COL7A1: variants seen among roughly 807,000 people sequenced by gnomAD.
The protein encoded by COL7A1 is collagen type VII alpha 1 chain, also known as collagen alpha-1(VII) chain.
COL7A1 carries 296 observed loss-of-function variants against 456.2 expected under a neutral mutation model. The ratio of observed to expected loss-of-function variants is 0.65; its 90% CI spans 0.59 to 0.71. The LOEUF is 0.71. COL7A1 is among the 30% of genes least tolerant of loss of function. The probability of loss-of-function intolerance (pLI) is 0.00; values close to 1 mark genes in which losing one functional copy is unlikely to be tolerated. For missense variants in COL7A1, 3,441 were observed against 4,017.2 expected, an observed-to-expected ratio of 0.86 and a Z score of 3.88; for synonymous variants, 1,464 against 1,525.9, an observed-to-expected ratio of 0.96 and a Z score of 0.95.
At position 48,573,171 on chromosome 3, in the gene COL7A1, C is replaced by T. The variant is rs1446545673; in HGVS notation, c.6714+3G>A. On this transcript the variant is annotated splice_donor_region_variant and intron_variant, in intron 85 of 118. Coordinates refer to ENST00000681320, the MANE Select transcript of COL7A1 (RefSeq NM_000094.4). This position sits in a 1 kb window ranked among gnomAD's most constrained non-coding sequence, Gnocchi z 5.5. ...CCTACAGGGGCCACAGGGACTCACT[C>T]ACCACAAGGCCTGAAGGGCCGGGGG... is the stretch of plus-strand genomic sequence containing the variant. 1.7e-5 allele frequency: 28 copies of T among 1,613,960 alleles called. No homozygotes were observed. Among genetic ancestry groups the T allele is most frequent in the Middle Eastern group, 1.6e-4 (1 of 6,084 alleles).
chr3:48,590,162 T>G lies in COL7A1; in HGVS notation c.2050+51A>C, dbSNP rs753058265. 6.3e-7 allele frequency: 1 copy of G among 1,595,156 alleles called. No individual in the cohort carries two copies. Among genetic ancestry groups the G allele is most frequent in the South Asian group, 1.1e-5 (1 of 89,496 alleles). On this transcript the variant is annotated intron_variant, in intron 16 of 118. Coordinates refer to ENST00000681320, the MANE Select transcript of COL7A1 (RefSeq NM_000094.4). The surrounding 1 kb of genome is among the most constrained non-coding windows in gnomAD (Gnocchi z 4.6). Reference sequence around the variant, plus strand: ...GGGTCTGCAAGGGAAGGCATGGGGGTCTGAAAGAGCAATGGAGGCAGAGAG... The same window carrying G: ...GGGTCTGCAAGGGAAGGCATGGGGGGCTGAAAGAGCAATGGAGGCAGAGAG...
rs1575418639 is a variant in COL7A1 at position 48,567,512 on chromosome 3, A to C, written c.8046+62T>G. ...CTTGTCCCTACACCCCCATGACCCGACCATGAGCTTCCCTGCCCCATCCTG... is the reference window on the plus strand; with the variant it reads ...CTTGTCCCTACACCCCCATGACCCGCCCATGAGCTTCCCTGCCCCATCCTG... On this transcript the variant is annotated intron_variant, in intron 109 of 118. Coordinates refer to ENST00000681320, the MANE Select transcript of COL7A1 (RefSeq NM_000094.4). This position sits in a 1 kb window ranked among gnomAD's most constrained non-coding sequence, Gnocchi z 4.3. The C allele has an allele frequency of 1.2e-6, 2 of 1,607,956 alleles. No individual in the cohort carries two copies. Among genetic ancestry groups the C allele is most frequent in the East Asian group, 4.5e-5 (2 of 44,820 alleles).
rs767851527 is a variant in COL7A1 at position 48,581,734 on chromosome 3, C to A, written c.4694G>T (p.Arg1565Ile). The A allele has an allele frequency of 6.2e-7, 1 of 1,614,120 alleles. No homozygotes were observed. Among genetic ancestry groups the A allele is most frequent in the Non-Finnish European group, 8.5e-7 (1 of 1,180,028 alleles). ...TTCCCCTTGGACTCCGGTAGCTCCT[C>A]TGGGCCCAGCGGGCCCCACATCTCC... ...EKGDVGPAGP[R>I]GATGVQGERG... Residue 1565 changes from arginine to isoleucine, a missense_variant, in exon 49 of 119, where the codon AGA becomes ATA. Arg to Ile is a moderately conservative substitution (Grantham distance 97, BLOSUM62 -3). Coordinates refer to ENST00000681320, the MANE Select transcript of COL7A1 (RefSeq NM_000094.4). This position sits in a 1 kb window ranked among gnomAD's most constrained non-coding sequence, Gnocchi z 5.8.
At position 48,581,273 on chromosome 3, in the gene COL7A1, G is replaced by A. The variant is rs1365063607; in HGVS notation, c.4886C>T (p.Pro1629Leu). 1.9e-6 allele frequency: 3 copies of A among 1,613,460 alleles called. No individual in the cohort carries two copies. Among genetic ancestry groups the A allele is most frequent in the Non-Finnish European group, 2.5e-6 (3 of 1,179,834 alleles). ...GRPGPPGPVG[P>L]RGRDGEVGEK... ...CCAGCCTCTTACATCTCGTCCTCGG[G>A]GGCCAACAGGTCCTGGGGGGCCAGG... The change falls in exon 52 of 119, where the codon CCC (proline) becomes CTC (leucine). Residue 1629 changes from proline to leucine, a missense_variant. By Grantham distance (98) the Pro-to-Leu change is moderately conservative. Transcript: ENST00000681320. The surrounding 1 kb of genome is among the most constrained non-coding windows in gnomAD (Gnocchi z 5.8).
At chr3:48,576,847 T>G (rs373589717) in intron 67 of COL7A1, 37 bp downstream of exon 67, 172 of 1,613,914 alleles carry the variant, frequency 1.1e-4, no homozygotes, top group Middle Eastern at 9.9e-4. Context: ...AGGGTCAGGG[T>G]CAGGGGTCAG....
rs1319107811 is a variant in COL7A1, at chr3:48,565,463, C to G, written c.8474G>C (p.Gly2825Ala). 1 of 1,613,242 alleles carries G rather than the reference C, an allele frequency of 6.2e-7. No individual in the cohort carries two copies. Residue 2825 changes from glycine to alanine, a missense_variant, in exon 116 of 119, where the codon GGC becomes GCC. This residue lies in a region of COL7A1 where 2,084 missense variants were observed against 2,501.3 expected (regional missense o/e 0.83). Transcript: ENST00000681320. The surrounding 1 kb of genome is among the most constrained non-coding windows in gnomAD (Gnocchi z 4.5). ...PLPSYAADTA[G>A]SQLHAVPVLR... ...CACAGGCACAGCATGGAGCTGGGAG[C>G]CGGCAGTGTCTGCAGCATAACTAGG...
chr3:48,584,105 C>T, intron 37 of COL7A1, 44 bp from the exon 38 acceptor site: 1 of 1,614,166 alleles, frequency 6.2e-7, no homozygotes, highest in Non-Finnish European at 8.5e-7. Flanking sequence ...CCACACCTCA[C>T]TCCCAAAGAT....
Position 48,574,013 on chromosome 3 carries a change from C to T in COL7A1, c.6502-123G>A. ...TCACCCTTTCCAGTCACAGATAATA[C>T]CTACCCATGGACTGCCTCTCATAGA... On this transcript the variant is annotated intron_variant, in intron 80 of 118. Coordinates refer to ENST00000681320, the MANE Select transcript of COL7A1 (RefSeq NM_000094.4). This position sits in a 1 kb window ranked among gnomAD's most constrained non-coding sequence, Gnocchi z 5.0. 1 of 1,306,124 alleles carries T rather than the reference C, an allele frequency of 7.7e-7. No individual in the cohort carries two copies. 80.9% of individuals were successfully genotyped at this position (1,306,124 alleles called of 1,614,324 possible).
Position 48,592,619 on chromosome 3 carries a change from G to A in COL7A1, c.927C>T (p.Ala309=), listed in dbSNP as rs753252649. The A allele has an allele frequency of 8.7e-6, 14 of 1,613,994 alleles. No homozygotes were observed. The South Asian group carries it at 1.3e-4, about 15-fold the overall frequency. Residue 309 remains alanine, a synonymous_variant, in exon 8 of 119, where the codon GCC becomes GCT. Coordinates refer to ENST00000681320, the MANE Select transcript of COL7A1 (RefSeq NM_000094.4). The surrounding 1 kb of genome is among the most constrained non-coding windows in gnomAD (Gnocchi z 7.6). ...PLTEYQVTVI[A]LYANSIGEAV... The stretch of plus-strand genomic sequence containing the variant: ...CCTCCCCGATGCTGTTGGCGTAGAG[G>A]GCAATCACAGTCACTTGGTACTCGG...
rs781105495 is a variant in COL7A1, at chr3:48,587,471, T to C, written c.2941A>G (p.Arg981Gly). ...CAGGATAGGATGTAGCTGGATGCCCTGGACACTGGAGTCCAGGCCAAAGTC... is the reference window on the plus strand; with the variant it reads ...CAGGATAGGATGTAGCTGGATGCCCCGGACACTGGAGTCCAGGCCAAAGTC... The part of the protein sequence containing the change: ...SVTLAWTPVS[R>G]ASSYILSWRP... The change falls in exon 23 of 119, where the codon AGG becomes GGG. Residue 981 changes from arginine to glycine, a missense_variant. Physicochemically the swap from Arg to Gly is moderately radical, Grantham distance 125. Around this residue, in one of 3 missense-constraint regions of COL7A1, gnomAD observed 444 missense variants for 427.6 expected, o/e 1.04. Transcript: ENST00000681320. This position sits in a 1 kb window ranked among gnomAD's most constrained non-coding sequence, Gnocchi z 6.1. The C allele has an allele frequency of 3.7e-6, 6 of 1,613,260 alleles. No individual in the cohort carries two copies. Among genetic ancestry groups the C allele is most frequent in the Admixed American group, 3.3e-5 (2 of 60,018 alleles).
At position 48,594,529 on chromosome 3, in the gene COL7A1, G is replaced by A. The variant is rs751325519; in HGVS notation, c.105C>T (p.Tyr35=). 2 of 1,605,040 alleles carry A rather than the reference G, an allele frequency of 1.2e-6. No homozygotes were observed. Among genetic ancestry groups the A allele is most frequent in the South Asian group, 2.2e-5 (2 of 90,226 alleles). The change falls in exon 3 of 119, where the codon TAC becomes TAT. Residue 35 remains tyrosine (Y), a synonymous_variant. Coordinates refer to ENST00000681320, the MANE Select transcript of COL7A1 (RefSeq NM_000094.4). The surrounding 1 kb of genome is among the most constrained non-coding windows in gnomAD (Gnocchi z 5.5). ...HRERVTCTRL[Y]AADIVFLLDG... ...CCAGTAAGAACACAATGTCAGCGGC[G>A]TAAAGGCGCGTGCAGGTCACTGGGG...
chr3:48,574,525 C>T lies in COL7A1; in HGVS notation c.6419G>A (p.Arg2140Gln), dbSNP rs758217227. 9 of 1,614,060 alleles carry T rather than the reference C, an allele frequency of 5.6e-6. No homozygotes were observed. The highest frequency in any genetic ancestry group is 3.3e-5 in the South Asian group (3 of 91,084). Residue 2140 changes from arginine to glutamine, a missense_variant, in exon 79 of 119, where the codon CGG becomes CAG. By Grantham distance (43) the Arg-to-Gln change is conservative. Transcript: ENST00000681320. The surrounding 1 kb of genome is among the most constrained non-coding windows in gnomAD (Gnocchi z 5.0). ...DRGVPGIKGD[R>Q]GEPGPRGQDG... ...CTGACCCCTCGGTCCAGGCTCTCCC[C>T]GGTCTCCTTTGATGCCTGGCACACC...
chr3:48,564,753 A>G lies in COL7A1; in HGVS notation c.8818+30T>C. On this transcript the variant is annotated intron_variant, in intron 118 of 118. Coordinates refer to ENST00000681320, the MANE Select transcript of COL7A1 (RefSeq NM_000094.4). The surrounding 1 kb of genome is among the most constrained non-coding windows in gnomAD (Gnocchi z 6.0). ...CCCGATCCAGGCAGGCTCAGTGCCC[A>G]GTTCCCCACGGTGGGGGCTCAGCCC... 6.2e-7 allele frequency: 1 copy of G among 1,606,940 alleles called. No individual in the cohort carries two copies. Among genetic ancestry groups the G allele is most frequent in the Non-Finnish European group, 8.5e-7 (1 of 1,175,872 alleles).
In COL7A1 at chr3:48,574,244, G is replaced by T; in HGVS notation, c.6501+18C>A. The T allele has an allele frequency of 6.2e-7, 1 of 1,613,836 alleles. No homozygotes were observed. Among genetic ancestry groups the T allele is most frequent in the Non-Finnish European group, 8.5e-7 (1 of 1,179,970 alleles). On this transcript the variant is annotated intron_variant, in intron 80 of 118. Transcript: ENST00000681320. This position sits in a 1 kb window ranked among gnomAD's most constrained non-coding sequence, Gnocchi z 5.0. ...GAGGGTCCGGAGCCTGGGGCCAGGTGCTTCAGCCACCACTCACCGGCTTCC... is the reference window on the plus strand; with the variant it reads ...GAGGGTCCGGAGCCTGGGGCCAGGTTCTTCAGCCACCACTCACCGGCTTCC...
In COL7A1 at chr3:48,593,690, C is replaced by T; in HGVS notation, c.273G>A (p.Glu91=). The part of the protein sequence containing the change: ...TVQYSDDPRT[E]FGLDALGSGG... ...CAGAGCCAAGTGCATCCAGGCCGAACTCTGTCCTGTTGGAGGGTAGGGGTG... is the reference window on the plus strand; with the variant it reads ...CAGAGCCAAGTGCATCCAGGCCGAATTCTGTCCTGTTGGAGGGTAGGGGTG... The change falls in exon 4 of 119, where the codon GAG becomes GAA. Residue 91 remains glutamate, a synonymous_variant. Transcript: ENST00000681320. This position sits in a 1 kb window ranked among gnomAD's most constrained non-coding sequence, Gnocchi z 4.4. The T allele has an allele frequency of 6.2e-7, 1 of 1,614,228 alleles. No homozygotes were observed. Among genetic ancestry groups the T allele is most frequent in the Non-Finnish European group, 8.5e-7 (1 of 1,180,030 alleles).
chr3:48,565,569 G>A lies in COL7A1; in HGVS notation c.8440+67C>T, dbSNP rs1331202523. 54 of 1,613,806 alleles carry A rather than the reference G, an allele frequency of 3.3e-5. No individual in the cohort carries two copies. Among genetic ancestry groups the A allele is most frequent in the Non-Finnish European group, 4.2e-5 (50 of 1,179,828 alleles). On this transcript the variant is annotated intron_variant, in intron 115 of 118. Transcript: ENST00000681320. The surrounding 1 kb of genome is among the most constrained non-coding windows in gnomAD (Gnocchi z 4.5). The stretch of plus-strand genomic sequence containing the variant: ...GCCATCCCAGCCAACCCCCCTGAGA[G>A]GACCCCAGTTGATAGGCAGGGCAGG...
chr3:48,564,468 C>CCGGAGA lies in COL7A1; in HGVS notation c.8819-52_8819-47dup. On this transcript the variant is annotated intron_variant, in intron 118 of 118. Transcript: ENST00000681320. The surrounding 1 kb of genome is among the most constrained non-coding windows in gnomAD (Gnocchi z 6.0). ...ACGGTCGTCAGCCATCTGACCTTCC[C>CCGGAGA]CGGAGACGCTCAGGCAGAGGCACCG... The CCGGAGA allele has an allele frequency of 6.2e-7, 1 of 1,612,048 alleles. No individual in the cohort carries two copies. Among genetic ancestry groups the CCGGAGA allele is most frequent in the East Asian group, 2.2e-5 (1 of 44,788 alleles).
rs2045191692 is a variant in COL7A1 at position 48,585,667 on chromosome 3, G to A, written c.3831+23C>T. On this transcript the variant is annotated intron_variant, in intron 31 of 118. Coordinates refer to ENST00000681320, the MANE Select transcript of COL7A1 (RefSeq NM_000094.4). This position sits in a 1 kb window ranked among gnomAD's most constrained non-coding sequence, Gnocchi z 4.5. ...TGGGGATAAGCCAGTCAGGGTGCAGGGACAGATGTGGGGGACACTCACCGG... is the reference window on the plus strand; with the variant it reads ...TGGGGATAAGCCAGTCAGGGTGCAGAGACAGATGTGGGGGACACTCACCGG... The A allele has an allele frequency of 6.2e-7, 1 of 1,614,048 alleles. No individual in the cohort carries two copies. Among genetic ancestry groups the A allele is most frequent in the East Asian group, 2.2e-5 (1 of 44,866 alleles).
Position 48,586,005 on chromosome 3 carries a change from A to ACATTT in COL7A1, c.3724-35_3724-31dup, listed in dbSNP as rs1560248951. ...GGACATAGGGTCTCTTTGAGGTTGA[A>ACATTT]CATTTCTACCAAGAACCCCCAGACC... On this transcript the variant is annotated intron_variant, in intron 28 of 118. Coordinates refer to ENST00000681320, the MANE Select transcript of COL7A1 (RefSeq NM_000094.4). This position sits in a 1 kb window ranked among gnomAD's most constrained non-coding sequence, Gnocchi z 5.1. 6.2e-7 allele frequency: 1 copy of ACATTT among 1,613,676 alleles called. No homozygotes were observed. Among genetic ancestry groups the ACATTT allele is most frequent in the East Asian group, 2.2e-5 (1 of 44,876 alleles).
Sources: gnomAD v4.1 joint callset for allele counts on GRCh38, gnomAD v4.1.1 for gene constraint, gnomAD v4.1.1 regional missense constraint, Gnocchi (gnomAD v3.1) non-coding constraint, MANE v1.5 for transcripts, NCBI Gene and HGNC (gene_info 2026-07-23, HGNC 2026-07-21) for gene names.